Variants in NDUFA9 observed in about 807,000 individuals in gnomAD.
NDUFA9 encodes NADH dehydrogenase [ubiquinone] 1 alpha subcomplex subunit 9, mitochondrial.
NDUFA9 carries 23 observed loss-of-function variants against 45.9 expected under a neutral mutation model. The observed-to-expected ratio is 0.50, with a 90% CI of 0.36 to 0.71. The LOEUF (loss-of-function observed/expected upper bound fraction) is 0.71. Ranked by LOEUF, NDUFA9 falls within the 30% of genes least tolerant of loss-of-function variation. The pLI, the probability that NDUFA9 is intolerant of heterozygous loss-of-function variation, is 0.00. For synonymous variants in NDUFA9, 176 were observed against 170.5 expected (o/e 1.03, Z -0.25); for missense variants, 466 against 488.2 (o/e 0.95, Z 0.43).
intron 4 of NDUFA9, 57 bp from the exon 5 acceptor site, chr12:4,658,978 AG>A (rs1464782108): frequency 6.7e-7 from 1 of 1,500,622 alleles, no homozygotes; most frequent in Non-Finnish European, 9.2e-7. Flanking sequence ...TATCACGTAA[AG>A]CTTTGAGATC....
chr12:4,649,267 C>A, intron 1 of NDUFA9, 92 bp downstream of exon 1: 1 of 1,428,144 alleles, frequency 7.0e-7, no homozygotes, highest in Non-Finnish European at 9.6e-7. Flanking sequence ...GCGGTCACGC[C>A]AACTTCCTAG....
At chr12:4,677,412 G>A (rs1268494774) in intron 8 of NDUFA9, among the ~76,000 whole-genome samples, 1 of 152,110 alleles carries the variant, frequency 6.6e-6, no homozygotes, top group East Asian at 1.9e-4. Context: ...TCTGAAAAAG[G>A]GCTAATATCC....
intron 5 of NDUFA9, among the ~76,000 whole-genome samples, chr12:4,660,171 A>C (rs2137466499): frequency 6.6e-6 from 1 of 152,292 alleles, no homozygotes; most frequent in South Asian, 2.1e-4. Context: ...TAGGGCAGTG[A>C]GTCTTAGCCT....
At position 4,689,604 on chromosome 12, in the gene NDUFA9, C is replaced by A; in HGVS notation, c.*2496C>A. The A allele has an allele frequency of 5.3e-6, 1 of 188,652 alleles. No homozygotes were observed. The allele number at this position is 188,652 out of a possible 1,614,324, so 11.7% of individuals were successfully genotyped here. A position where few individuals can be genotyped will look rare whatever the true frequency, so the allele number is the denominator to read the frequency against. On this transcript the variant is annotated 3_prime_UTR_variant, in exon 11 of 11. Transcript: ENST00000266544. ...TGGACACAGCACATGTTTCAGAGAG[C>A]ACAGGGTTGGGGGTAAGATCATAGA...
intron 9 of NDUFA9, 59 bp downstream of exon 9, chr12:4,682,359 C>G: frequency 7.8e-7 from 1 of 1,288,354 alleles, no homozygotes. Flanking sequence ...ACACTTGTTC[C>G]TAATGTTCTC....
chr12:4,657,644 A>C, intron 3 of NDUFA9, 104 bp from the exon 4 acceptor site: 1 of 792,828 alleles, frequency 1.3e-6, no homozygotes, highest in African/African-American at 1.7e-5. Flanking sequence ...TATTATGACT[A>C]CAGCAGATGG....
At chr12:4,663,967 C>CTG (rs1030231291) in intron 6 of NDUFA9, among the ~76,000 whole-genome samples, 9 of 152,084 alleles carry the variant, frequency 5.9e-5, no homozygotes, top group African/African-American at 9.7e-5. Context: ...ATTGGCTGAT[C>CTG]TGTGTGTGTT....
chr12:4,657,142 A>G (rs1454315813), intron 3 of NDUFA9: 1 of 152,442 alleles, frequency 6.6e-6, no homozygotes, highest in Non-Finnish European at 1.5e-5. Flanking sequence ...AAATGCTTAT[A>G]GAAACCTGCC....
Position 4,657,736 on chromosome 12 carries a change from C to A in NDUFA9, c.319-12C>A. ...CCCTATGTTTTCATCCGATTGCTTTCTGCTATTATAGGAATGGGACGCGAG... is the reference window on the plus strand; with the variant it reads ...CCCTATGTTTTCATCCGATTGCTTTATGCTATTATAGGAATGGGACGCGAG... On this transcript the variant is annotated splice_polypyrimidine_tract_variant and intron_variant, in intron 3 of 10. Transcript: ENST00000266544. 1 of 1,598,340 alleles carries A rather than the reference C, an allele frequency of 6.3e-7. No individual in the cohort carries two copies.
At chr12:4,649,551 G>C (rs971396630) in intron 1 of NDUFA9, among the ~76,000 whole-genome samples, 1 of 152,058 alleles carries the variant, frequency 6.6e-6, no homozygotes, top group Non-Finnish European at 1.5e-5. Flanking sequence ...AGTGGCGAGA[G>C]GTTTTCTTAG....
At position 4,675,416 on chromosome 12, in the gene NDUFA9, G is replaced by T. The variant is rs113516707; in HGVS notation, c.800+5599G>T. On this transcript the variant is annotated intron_variant, in intron 8 of 10. Coordinates refer to ENST00000266544, the MANE Select transcript of NDUFA9 (RefSeq NM_005002.5). ...AACAACATAGATAGACTGCTAGCCAGACTAATAAAGAAGAAAAGAGAGAAG... is the reference window on the plus strand; with the variant it reads ...AACAACATAGATAGACTGCTAGCCATACTAATAAAGAAGAAAAGAGAGAAG... Among the ~76,000 whole-genome samples the T allele has an allele frequency of 6.0e-3, 911 of 151,912 alleles. 12 individuals are homozygous for T. Among genetic ancestry groups the T allele is most frequent in the African/African-American group, 0.021 (873 of 41,368 alleles).
intron 7 of NDUFA9, 65 bp downstream of exon 7, chr12:4,668,589 T>C: frequency 7.0e-7 from 1 of 1,422,448 alleles, no homozygotes; most frequent in Non-Finnish European, 9.9e-7. Flanking sequence ...AGTGATCAAG[T>C]TTCTGGTTTT....
intron 9 of NDUFA9, among the ~76,000 whole-genome samples, chr12:4,682,939 G>A (rs138503253): frequency 8.5e-4 from 129 of 152,272 alleles, no homozygotes; most frequent in African/African-American, 2.5e-3. Flanking sequence ...GGTGGCATCT[G>A]CCTGTAGTCC....
In NDUFA9 at chr12:4,688,497, A is replaced by T. The variant is rs188773412; in HGVS notation, c.*1389A>T. On this transcript the variant is annotated 3_prime_UTR_variant, in exon 11 of 11. Transcript: ENST00000266544. ...CTGTCTCAGAAAAAAAAAAAAAAAAAGGCAGAATCCTAGGTTTTGTCCTGT... is the reference window on the plus strand; with the variant it reads ...CTGTCTCAGAAAAAAAAAAAAAAAATGGCAGAATCCTAGGTTTTGTCCTGT... The T allele has an allele frequency of 6.6e-6, 1 of 150,676 alleles. No homozygotes were observed. The highest frequency in any genetic ancestry group is 1.5e-5 in the Non-Finnish European group (1 of 67,664). 9.3% of individuals were successfully genotyped at this position (150,676 alleles called of 1,614,324 possible). A position where few individuals can be genotyped will look rare whatever the true frequency, so the allele number is the denominator to read the frequency against.
At chr12:4,658,325 T>C (rs986331329) in intron 4 of NDUFA9, among the ~76,000 whole-genome samples, 62 of 152,342 alleles carry the variant, frequency 4.1e-4, no homozygotes, top group Middle Eastern at 3.4e-3. Flanking sequence ...TTTACACCTC[T>C]TTTTATAGTG....
chr12:4,649,238 G>GAACC (rs1024145480), intron 1 of NDUFA9, 63 bp downstream of exon 1: 1 of 1,548,032 alleles, frequency 6.5e-7, no homozygotes, highest in African/African-American at 1.4e-5. Flanking sequence ...TAAGGTTTTG[G>GAACC]AAGTGGCACC....
chr12:4,662,949 A>G (rs1340893671), intron 6 of NDUFA9, among the ~76,000 whole-genome samples: 1 of 152,118 alleles, frequency 6.6e-6, no homozygotes, highest in Non-Finnish European at 1.5e-5. Context: ...CTATCCTAAA[A>G]TCCCCTGTGT....
At position 4,662,589 on chromosome 12, in the gene NDUFA9, G is replaced by A. The variant is rs751916214; in HGVS notation, c.609G>A (p.Pro203=). The part of the protein sequence containing the change: ...DAFPEAIIVK[P]SDIFGREDRF... ...TTCCGGAAGCCATTATCGTAAAGCC[G>A]TCGGACATCTTTGGAAGAGAGGATA... Residue 203 remains proline (P), a synonymous_variant, in exon 6 of 11, where the codon CCG becomes CCA. Transcript: ENST00000266544. 41 of 1,613,828 alleles carry A rather than the reference G, an allele frequency of 2.5e-5. No individual in the cohort carries two copies. The highest frequency in any genetic ancestry group is 1.6e-4 in the Middle Eastern group (1 of 6,082).
At chr12:4,670,526 A>T (rs556534866) in intron 8 of NDUFA9, among the ~76,000 whole-genome samples, 1 of 152,224 alleles carries the variant, frequency 6.6e-6, no homozygotes, top group South Asian at 2.1e-4. Flanking sequence ...TAATTAAGGG[A>T]TAGCCTAATT....
Sources: gnomAD v4.1 joint callset for allele counts (sites outside exome capture counted in the v4.1 genomes callset) on GRCh38, gnomAD v4.1.1 for gene constraint, MANE v1.5 for transcripts, NCBI Gene and HGNC (gene_info 2026-07-23, HGNC 2026-07-21) for gene names.